CAMTA1: variants seen among roughly 807,000 people sequenced by gnomAD.
CAMTA1 encodes calmodulin binding transcription activator 1.
A neutral mutation model predicts 170.9 loss-of-function variants in CAMTA1; 27 were observed. The observed-to-expected ratio is 0.16, with a 90% CI of 0.12 to 0.22. The LOEUF is 0.22. Among genes scored for constraint, CAMTA1 ranks in the 10% least tolerant of loss-of-function variants. CAMTA1 has a pLI of 1.00. For missense variants in CAMTA1, 1,619 were observed against 2,217.2 expected (o/e 0.73, Z 5.42); for synonymous variants, 833 against 891.5 (o/e 0.93, Z 1.17).
At chr1:7,701,165 A>C (rs2096435182) in intron 11 of CAMTA1, among the ~76,000 whole-genome samples, 2 of 152,260 alleles carry the variant, frequency 1.3e-5, no homozygotes, top group African/African-American at 2.4e-5. Context: ...ACCCAGATCC[A>C]CTGCTTTCCA....
At chr1:7,493,930 C>T (rs1242069919) in intron 6 of CAMTA1, among the ~76,000 whole-genome samples, 1 of 152,130 alleles carries the variant, frequency 6.6e-6, no homozygotes, top group Non-Finnish European at 1.5e-5. Flanking sequence ...GGCTTCACTC[C>T]CCGTCTCTGC....
In CAMTA1 at chr1:6,918,627, C is replaced by G. The variant is rs550248885; in HGVS notation, c.234+93417C>G. On this transcript the variant is annotated intron_variant, in intron 3 of 22. Transcript: ENST00000303635. This position sits in a 1 kb window ranked among gnomAD's most constrained non-coding sequence, Gnocchi z 4.0. ...TGCCGACAGCACCTCCCGAGGAACT[C>G]AGAACTTCCCCCGTGGGCCTCAGGC... 1.3e-5 allele frequency among the ~76,000 whole-genome samples: 2 copies of G among 152,362 alleles called. No individual in the cohort carries two copies. Among genetic ancestry groups the G allele is most frequent in the South Asian group, 4.1e-4 (2 of 4,834 alleles).
At chr1:7,596,561 T>C (rs1413867768) in intron 6 of CAMTA1, among the ~76,000 whole-genome samples, 2 of 152,198 alleles carry the variant, frequency 1.3e-5, no homozygotes, top group African/African-American at 4.8e-5. Flanking sequence ...CTCAGGGCCA[T>C]GCACAAGGCC....
chr1:6,959,582 G>A (rs1690033811), intron 3 of CAMTA1, among the ~76,000 whole-genome samples: 1 of 152,202 alleles, frequency 6.6e-6, no homozygotes, highest in African/African-American at 2.4e-5. Context: ...TCACGGAGAT[G>A]AGGCATAAAG....
chr1:7,598,130 C>T lies in CAMTA1; in HGVS notation c.511-42270C>T, dbSNP rs549519055. ...GCCCCGGTGTGTGATGTTCCCCTTC[C>T]TGTGTCCATGTGTTCTCATTGTTCA... On this transcript the variant is annotated intron_variant, in intron 6 of 22. Coordinates refer to ENST00000303635, the MANE Select transcript of CAMTA1 (RefSeq NM_015215.4). Among the ~76,000 whole-genome samples the T allele has an allele frequency of 1.4e-4, 21 of 150,826 alleles. No homozygotes were observed. The East Asian group carries it at 3.7e-3, about 27-fold the overall frequency.
At chr1:6,930,843 C>A (rs1684273966) in intron 3 of CAMTA1, among the ~76,000 whole-genome samples, 2 of 152,202 alleles carry the variant, frequency 1.3e-5, no homozygotes, top group South Asian at 4.1e-4. Context: ...GAGTCTTAGC[C>A]CACTCTTCAC....
At chr1:7,484,446 G>A (rs907978220) in intron 6 of CAMTA1, among the ~76,000 whole-genome samples, 35 of 152,330 alleles carry the variant, frequency 2.3e-4, no homozygotes, top group Admixed American at 1.6e-3. Context: ...TTCCTCATCC[G>A]CAGAATTTTT....
intron 6 of CAMTA1, among the ~76,000 whole-genome samples, chr1:7,598,032 C>T (rs2095413843): frequency 1.3e-5 from 2 of 151,330 alleles, no homozygotes; most frequent in Non-Finnish European, 2.9e-5. Flanking sequence ...TGTGCTGCAC[C>T]CATTAACTCT....
In CAMTA1 at chr1:7,732,004, A is replaced by G. The variant is rs1399339697; in HGVS notation, c.2915-444A>G. Among the ~76,000 whole-genome samples the G allele has an allele frequency of 6.7e-6, 1 of 149,354 alleles. No homozygotes were observed. Among genetic ancestry groups the G allele is most frequent in the Non-Finnish European group, 1.5e-5 (1 of 67,306 alleles). ...TTGTAAAAACTCAGTGTTTTGGTAA[A>G]AGATATACTACCTTTTTTTTTTTTT... On this transcript the variant is annotated intron_variant, in intron 11 of 22. Coordinates refer to ENST00000303635, the MANE Select transcript of CAMTA1 (RefSeq NM_015215.4). This position sits in a 1 kb window ranked among gnomAD's most constrained non-coding sequence, Gnocchi z 4.1.
chr1:7,092,589 C>A lies in CAMTA1; in HGVS notation c.302+1218C>A, dbSNP rs1328351367. On this transcript the variant is annotated intron_variant, in intron 4 of 22. Coordinates refer to ENST00000303635, the MANE Select transcript of CAMTA1 (RefSeq NM_015215.4). The surrounding 1 kb of genome is among the most constrained non-coding windows in gnomAD (Gnocchi z 5.0). ...GAGGAGAGTCTGTCCGCAGGAGTCC[C>A]CAAAACCTCAGCCTGCTGGAACCAT... Among the ~76,000 whole-genome samples, 1 of 152,170 alleles carries A rather than the reference C, an allele frequency of 6.6e-6. No individual in the cohort carries two copies. Among genetic ancestry groups the A allele is most frequent in the African/African-American group, 2.4e-5 (1 of 41,428 alleles).
At chr1:7,719,549 T>C (rs1243090506) in intron 11 of CAMTA1, among the ~76,000 whole-genome samples, 1 of 152,256 alleles carries the variant, frequency 6.6e-6, no homozygotes, top group African/African-American at 2.4e-5. Context: ...TCTAGTGTTT[T>C]GGTATACAGA....
intron 6 of CAMTA1, among the ~76,000 whole-genome samples, chr1:7,492,788 C>A (rs546817517): frequency 1.0e-4 from 13 of 126,540 alleles, no homozygotes; most frequent in Admixed American, 4.8e-4. Flanking sequence ...CACACACAAA[C>A]ACAAACCTAC....
chr1:7,247,796 A>T (rs949722633), intron 4 of CAMTA1, among the ~76,000 whole-genome samples: 4 of 152,200 alleles, frequency 2.6e-5, no homozygotes, highest in Non-Finnish European at 5.9e-5. Flanking sequence ...AAGCGGGAAG[A>T]GGCTGACATC....
At chr1:6,948,627 T>C (rs1230889313) in intron 3 of CAMTA1, among the ~76,000 whole-genome samples, 1 of 152,194 alleles carries the variant, frequency 6.6e-6, no homozygotes, top group Non-Finnish European at 1.5e-5. Flanking sequence ...TGTGTGTTGA[T>C]TATCTTCCCT....
At chr1:7,638,585 T>G (rs1320556538) in intron 6 of CAMTA1, among the ~76,000 whole-genome samples, 2 of 151,346 alleles carry the variant, frequency 1.3e-5, no homozygotes, top group East Asian at 1.9e-4. Context: ...GAGGTTGCAG[T>G]GAGCCGATAT....
In CAMTA1 at chr1:7,681,933, T is replaced by G. The variant is rs2096209927; in HGVS notation, c.2914+4200T>G. Among the ~76,000 whole-genome samples, 1 of 152,202 alleles carries G rather than the reference T, an allele frequency of 6.6e-6. No homozygotes were observed. The highest frequency in any genetic ancestry group is 6.5e-5 in the Admixed American group (1 of 15,282). On this transcript the variant is annotated intron_variant, in intron 11 of 22. Transcript: ENST00000303635. The surrounding 1 kb of genome is among the most constrained non-coding windows in gnomAD (Gnocchi z 4.6). Reference sequence around the variant, plus strand: ...ATTTTTGTGTGCCTCTTTCTTGTCTTACAGCATCTGATTCTCCCCCAAGGC... The same window carrying G: ...ATTTTTGTGTGCCTCTTTCTTGTCTGACAGCATCTGATTCTCCCCCAAGGC...
At chr1:7,001,879 T>TTTC (rs56185909) in intron 3 of CAMTA1, among the ~76,000 whole-genome samples, 21,450 of 133,178 alleles carry the variant, frequency 0.16, 1,906 homozygotes, top group South Asian at 0.21. Context: ...TTTTTCTTTC[T>TTTC]TTCTTCTTCT....
intron 4 of CAMTA1, among the ~76,000 whole-genome samples, chr1:7,120,609 CACAT>C (rs1291630320): frequency 6.6e-6 from 1 of 152,184 alleles, no homozygotes; most frequent in Non-Finnish European, 1.5e-5. Context: ...ACATTCTGCC[CACAT>C]TTGGGGGCCA....
chr1:7,701,830 C>G (rs974410050), intron 11 of CAMTA1, among the ~76,000 whole-genome samples: 1 of 152,138 alleles, frequency 6.6e-6, no homozygotes, highest in African/African-American at 2.4e-5. Flanking sequence ...ATGCTCAAAG[C>G]CCCATAAAAA....
Sources: gnomAD v4.1 joint callset for allele counts (sites outside exome capture counted in the v4.1 genomes callset) on GRCh38, gnomAD v4.1.1 for gene constraint, Gnocchi (gnomAD v3.1) non-coding constraint, MANE v1.5 for transcripts, NCBI Gene and HGNC (gene_info 2026-07-23, HGNC 2026-07-21) for gene names.